Variants in RAB23 observed in about 807,000 individuals in gnomAD.
RAB23 encodes the protein ras-related protein Rab-23.
In RAB23, 15 loss-of-function variants were observed where a neutral mutation model predicts 30.0. The observed-to-expected ratio is 0.50, with a 90% CI of 0.33 to 0.77. The LOEUF (loss-of-function observed/expected upper bound fraction) is 0.77. Among genes scored for constraint, RAB23 ranks in the 30% least tolerant of loss-of-function variants. RAB23 has a pLI of 0.02. For synonymous variants in RAB23, 93 were observed against 94.0 expected, an observed-to-expected ratio of 0.99 and a Z score of 0.06; for missense variants, 243 against 275.4, an observed-to-expected ratio of 0.88 and a Z score of 0.83.
intron 1 of RAB23, among the ~76,000 whole-genome samples, chr6:57,214,943 C>T (rs1167971242): frequency 6.6e-6 from 1 of 151,810 alleles, no homozygotes; most frequent in African/African-American, 2.4e-5. Context: ...TATACTTAAA[C>T]GAATGTAAAA....
In RAB23 at chr6:57,190,230, A is replaced by C; in HGVS notation, c.*231T>G. ...TATAGCATTCCTTTACAAACAGGAG[A>C]AGCTTCGTCTAATGTAAAAAAAATT... On this transcript the variant is annotated 3_prime_UTR_variant, in exon 7 of 7. Coordinates refer to ENST00000468148, the MANE Select transcript of RAB23 (RefSeq NM_016277.5). 1 of 488,450 alleles carries C rather than the reference A, an allele frequency of 2.0e-6. No homozygotes were observed. Among genetic ancestry groups the C allele is most frequent in the African/African-American group, 1.9e-5 (1 of 51,762 alleles). 30.3% of individuals were successfully genotyped at this position (488,450 alleles called of 1,614,324 possible).
intron 3 of RAB23, among the ~76,000 whole-genome samples, chr6:57,202,931 A>ATC (rs1362552690): frequency 6.6e-6 from 1 of 151,532 alleles, no homozygotes. Context: ...CTGAGGACCT[A>ATC]TCTCAGTATC....
At chr6:57,195,135 A>G (rs190029533) in intron 4 of RAB23, among the ~76,000 whole-genome samples, 14 of 152,334 alleles carry the variant, frequency 9.2e-5, no homozygotes. Context: ...GTATGTGTAC[A>G]TAGAAGACTT....
Position 57,210,450 on chromosome 6 carries a change from G to C in RAB23, c.-65-5C>G. The stretch of plus-strand genomic sequence containing the variant: ...ATCAGATCTTCCCTCTCAAATCTGT[G>C]GTTTAAAATGAAATTATTTTTTCAT... On this transcript the variant is annotated splice_region_variant and splice_polypyrimidine_tract_variant and intron_variant, in intron 1 of 6. Coordinates refer to ENST00000468148, the MANE Select transcript of RAB23 (RefSeq NM_016277.5). The C allele has an allele frequency of 6.8e-7, 1 of 1,472,190 alleles. No individual in the cohort carries two copies. Among genetic ancestry groups the C allele is most frequent in the Non-Finnish European group, 9.5e-7 (1 of 1,057,046 alleles). The allele number at this position is 1,472,190 out of a possible 1,614,324, so 91.2% of individuals were successfully genotyped here.
intron 3 of RAB23, among the ~76,000 whole-genome samples, chr6:57,197,757 G>A (rs190586966): frequency 2.6e-4 from 40 of 152,186 alleles, no homozygotes; most frequent in African/African-American, 8.7e-4. Flanking sequence ...TGGTTTTCTT[G>A]AGACAAGGTC....
At position 57,193,785 on chromosome 6, in the gene RAB23, A is replaced by G. The variant is rs1190804193; in HGVS notation, c.574+57T>C. 9 of 1,586,720 alleles carry G rather than the reference A, an allele frequency of 5.7e-6. No homozygotes were observed. In the East Asian group the frequency reaches 6.8e-5, roughly 12 times the overall value. ...CATTTCTGAAAGAAATGAGCATATT[A>G]TATGTGTTTTTTAACTTTACCAAGT... On this transcript the variant is annotated intron_variant, in intron 6 of 6. Coordinates refer to ENST00000468148, the MANE Select transcript of RAB23 (RefSeq NM_016277.5).
In RAB23 at chr6:57,210,322, A is replaced by G; in HGVS notation, c.59T>C (p.Val20Ala). The G allele has an allele frequency of 6.2e-7, 1 of 1,613,948 alleles. No individual in the cohort carries two copies. Among genetic ancestry groups the G allele is most frequent in the Non-Finnish European group, 8.5e-7 (1 of 1,179,836 alleles). Residue 20 changes from valine (V) to alanine (A), a missense_variant, in exon 2 of 7, where the codon GTT (valine) becomes GCT (alanine). Coordinates refer to ENST00000468148, the MANE Select transcript of RAB23 (RefSeq NM_016277.5). Reference protein sequence around the residue: ...IKMVVVGNGAVGKSSMIQRYC... With the variant: ...IKMVVVGNGAAGKSSMIQRYC... ...TCGCTGAATCATACTTGATTTTCCA[A>G]CTGCTCCATTCCCTACAACCACCAT...
chr6:57,208,900 G>A (rs1260964375), intron 2 of RAB23, among the ~76,000 whole-genome samples: 1 of 152,116 alleles, frequency 6.6e-6, no homozygotes, highest in East Asian at 1.9e-4. Flanking sequence ...ACACCTTACT[G>A]ATTGATATAT....
rs1060505026 is a variant in RAB23 at position 57,194,770 on chromosome 6, C to G, written c.481G>C (p.Val161Leu). 1 of 1,605,700 alleles carries G rather than the reference C, an allele frequency of 6.2e-7. No individual in the cohort carries two copies. The highest frequency in any genetic ancestry group is 8.5e-7 in the Non-Finnish European group (1 of 1,173,548). Reference protein sequence around the residue: ...SVKEDLNVNEVFKYLAEKYLQ... With the variant: ...SVKEDLNVNELFKYLAEKYLQ... ...TCTATATCCTTTAAAGGTAATTTAC[C>G]TTCATTCACATTTAGATCTTCTTTC... Residue 161 changes from valine (V) to leucine (L), a missense_variant and splice_region_variant, in exon 5 of 7, where the codon GTT becomes CTT. Physicochemically the swap from Val to Leu is conservative, Grantham distance 32. Coordinates refer to ENST00000468148, the MANE Select transcript of RAB23 (RefSeq NM_016277.5).
chr6:57,219,261 A>T (rs1765965086), intron 1 of RAB23, among the ~76,000 whole-genome samples: 2 of 152,272 alleles, frequency 1.3e-5, no homozygotes, highest in South Asian at 4.1e-4. Context: ...TTAAATACTT[A>T]GGTATAAATG....
intron 2 of RAB23, among the ~76,000 whole-genome samples, chr6:57,209,684 AT>A (rs1562657763): frequency 6.6e-6 from 1 of 152,212 alleles, no homozygotes; most frequent in Non-Finnish European, 1.5e-5. Flanking sequence ...ATGACAAAAA[AT>A]ATTACTCTGA....
At position 57,196,547 on chromosome 6, in the gene RAB23, A is replaced by G; in HGVS notation, c.301T>C (p.Ser101Pro). The G allele has an allele frequency of 6.2e-7, 1 of 1,614,046 alleles. No homozygotes were observed. The highest frequency in any genetic ancestry group is 1.3e-5 in the African/African-American group (1 of 75,062). ...GCTACTACTTTCTCTCTCCAACTGG[A>G]AACTGCTTCAAAAGATTCCCTATCT... ...TTDRESFEAVSSWREKVVAEV... is the reference protein window; with the variant it reads ...TTDRESFEAVPSWREKVVAEV... The change falls in exon 4 of 7, where the codon TCC becomes CCC. Residue 101 changes from serine (S) to proline (P), a missense_variant. Transcript: ENST00000468148.
chr6:57,218,881 A>G (rs1765949393), intron 1 of RAB23, among the ~76,000 whole-genome samples: 1 of 151,820 alleles, frequency 6.6e-6, no homozygotes, highest in Non-Finnish European at 1.5e-5. Flanking sequence ...AAAAAAAAGC[A>G]TCTATAACAT....
At position 57,189,834 on chromosome 6, in the gene RAB23, T is replaced by C. The variant is rs555056539; in HGVS notation, c.*627A>G. 6.5e-6 allele frequency: 1 copy of C among 153,644 alleles called. No individual in the cohort carries two copies. Among genetic ancestry groups the C allele is most frequent in the Non-Finnish European group, 1.5e-5 (1 of 68,756 alleles). 9.5% of individuals were successfully genotyped at this position (153,644 alleles called of 1,614,324 possible). ...TGAAAATAAAAACATATACACAATA[T>C]GTAAATGGTTTTATAAGTGAATTAA... On this transcript the variant is annotated 3_prime_UTR_variant, in exon 7 of 7. Coordinates refer to ENST00000468148, the MANE Select transcript of RAB23 (RefSeq NM_016277.5).
intron 2 of RAB23, among the ~76,000 whole-genome samples, chr6:57,209,938 TTG>T (rs1765588696): frequency 6.6e-6 from 1 of 152,080 alleles, no homozygotes; most frequent in Non-Finnish European, 1.5e-5. Flanking sequence ...CAGCATCAGT[TTG>T]TGTTTAAGAC....
Position 57,190,360 on chromosome 6 carries a change from G to C in RAB23, c.*101C>G. The C allele has an allele frequency of 2.2e-6, 3 of 1,390,764 alleles. No individual in the cohort carries two copies. In the South Asian group the frequency reaches 3.5e-5, roughly 16 times the overall value. The allele number at this position is 1,390,764 out of a possible 1,614,324, so 86.2% of individuals were successfully genotyped here. A position where few individuals can be genotyped will look rare whatever the true frequency, so the allele number is the denominator to read the frequency against. On this transcript the variant is annotated 3_prime_UTR_variant, in exon 7 of 7. Transcript: ENST00000468148. ...GTCTGTCACTTTCAGAGAGCCATTA[G>C]GAGCAAAGTCTGCTGAAAACCTTGT...
chr6:57,200,527 ACT>A (rs1765213638), intron 3 of RAB23, among the ~76,000 whole-genome samples: 1 of 125,652 alleles, frequency 8.0e-6, no homozygotes, highest in Admixed American at 9.2e-5. Context: ...ACAGAGTGAG[ACT>A]CTGTCTCAAA....
chr6:57,205,013 GATAC>G (rs976232863), intron 3 of RAB23, among the ~76,000 whole-genome samples: 2 of 151,022 alleles, frequency 1.3e-5, no homozygotes, highest in African/African-American at 4.9e-5. Flanking sequence ...TGTTTACATA[GATAC>G]ATACATATAT....
At chr6:57,214,666 G>A (rs934522668) in intron 1 of RAB23, among the ~76,000 whole-genome samples, 1 of 152,140 alleles carries the variant, frequency 6.6e-6, no homozygotes, top group Non-Finnish European at 1.5e-5. Context: ...TGGTAGTAAA[G>A]AGGTAGTGCC....
Sources: gnomAD v4.1 joint callset for allele counts (sites outside exome capture counted in the v4.1 genomes callset) on GRCh38, gnomAD v4.1.1 for gene constraint, MANE v1.5 for transcripts, NCBI Gene and HGNC (gene_info 2026-07-23, HGNC 2026-07-21) for gene names.